SGCD: variants seen among roughly 807,000 people sequenced by gnomAD.
The protein encoded by SGCD is sarcoglycan delta.
A neutral mutation model predicts 36.6 loss-of-function variants in SGCD; 18 were observed. The ratio of observed to expected loss-of-function variants is 0.49; its 90% CI spans 0.34 to 0.73. The LOEUF is 0.73. SGCD is among the 30% of genes least tolerant of loss of function. SGCD has a pLI of 0.01. For missense variants in SGCD, 387 were observed against 346.7 expected (o/e 1.12, Z -0.92); for synonymous variants, 133 against 130.6 (o/e 1.02, Z -0.12).
intron 4 of SGCD, among the ~76,000 whole-genome samples, chr5:156,583,673 T>TG (rs1165748575): frequency 6.6e-6 from 1 of 152,130 alleles, no homozygotes; most frequent in African/African-American, 2.4e-5. Context: ...GAAGGCAAAA[T>TG]GGGTAGATAG....
Position 156,580,719 on chromosome 5 carries a change from A to G in SGCD, c.295-8512A>G, listed in dbSNP as rs780714631. Among the ~76,000 whole-genome samples the G allele has an allele frequency of 5.3e-5, 8 of 152,166 alleles. No homozygotes were observed. In the East Asian group the frequency reaches 1.5e-3, roughly 29 times the overall value. On this transcript the variant is annotated intron_variant, in intron 4 of 8. Transcript: ENST00000337851. ...CTATTGAAGCTTGTGCATGCATCAC[A>G]TAGTTCTAGTGCCATGGTTTTCAGC...
In SGCD at chr5:156,351,755, A is replaced by G. The variant is rs1769269682; in HGVS notation, c.192+7078A>G. Among the ~76,000 whole-genome samples the G allele has an allele frequency of 2.6e-5, 4 of 152,198 alleles. No individual in the cohort carries two copies. In the South Asian group the frequency reaches 8.3e-4, roughly 31 times the overall value. On this transcript the variant is annotated intron_variant, in intron 3 of 8. Coordinates refer to ENST00000337851, the MANE Select transcript of SGCD (RefSeq NM_000337.6). The stretch of plus-strand genomic sequence containing the variant: ...CTGCCACTATTTGGATACCAATTTT[A>G]CAAGGGAGGGAGTGGCTCAATAACT...
At chr5:156,394,661 G>C (rs755823728) in intron 3 of SGCD, among the ~76,000 whole-genome samples, 15 of 152,134 alleles carry the variant, frequency 9.9e-5, no homozygotes, top group African/African-American at 2.4e-5. Context: ...GTGATATAAA[G>C]TATTTTCTTT....
intron 1 of SGCD, among the ~76,000 whole-genome samples, chr5:155,922,781 G>A (rs187184821): frequency 1.1e-4 from 16 of 152,240 alleles, no homozygotes; most frequent in Admixed American, 9.2e-4. Flanking sequence ...AAACCAAGCT[G>A]TATTTTTAGC....
At chr5:155,742,442 C>A in the SGCD span, among the ~76,000 whole-genome samples, 1 of 152,084 alleles carries the variant, frequency 6.6e-6, no homozygotes, top group East Asian at 1.9e-4. Flanking sequence ...TAAATACTTA[C>A]CCAGGGCAGA....
At chr5:156,007,987 T>C (rs995958831) in intron 1 of SGCD, among the ~76,000 whole-genome samples, 4 of 152,158 alleles carry the variant, frequency 2.6e-5, no homozygotes, top group South Asian at 4.1e-4. Context: ...GTAAGTCAGG[T>C]TTTTATCTCC....
chr5:156,059,940 A>C (rs1349001928), intron 1 of SGCD, among the ~76,000 whole-genome samples: 3 of 146,572 alleles, frequency 2.0e-5, no homozygotes, highest in Non-Finnish European at 3.1e-5. Context: ...GTTCTCACAA[A>C]AGTGCTGAGG....
At chr5:156,692,823 T>C (rs1400309103) in intron 7 of SGCD, among the ~76,000 whole-genome samples, 1 of 152,242 alleles carries the variant, frequency 6.6e-6, no homozygotes, top group Non-Finnish European at 1.5e-5. Flanking sequence ...ATCAACTGCA[T>C]TGTAACCTAA....
At chr5:156,743,031 T>C (rs1756764570) in intron 7 of SGCD, among the ~76,000 whole-genome samples, 1 of 151,892 alleles carries the variant, frequency 6.6e-6, no homozygotes, top group African/African-American at 2.4e-5. Flanking sequence ...ATCACAGGAA[T>C]ATTTTTTGCC....
At chr5:156,580,653 T>TTCAA (rs1760214994) in intron 4 of SGCD, among the ~76,000 whole-genome samples, 1 of 152,226 alleles carries the variant, frequency 6.6e-6, no homozygotes, top group African/African-American at 2.4e-5. Context: ...TAATTTGATC[T>TTCAA]TCAATCACTG....
At chr5:156,293,645 T>A (rs1377860157) in intron 3 of SGCD, among the ~76,000 whole-genome samples, 1 of 152,152 alleles carries the variant, frequency 6.6e-6, no homozygotes, top group Non-Finnish European at 1.5e-5. Context: ...CAAGGTTTTT[T>A]TATTCTATTT....
intron 3 of SGCD, among the ~76,000 whole-genome samples, chr5:156,422,571 C>A (rs1368089846): frequency 6.6e-6 from 1 of 152,008 alleles, no homozygotes; most frequent in Non-Finnish European, 1.5e-5. Context: ...AGCAAGATAA[C>A]CTACTATGTT....
intron 7 of SGCD, among the ~76,000 whole-genome samples, chr5:156,740,869 C>T (rs1027312541): frequency 3.3e-5 from 5 of 152,202 alleles, no homozygotes; most frequent in African/African-American, 1.2e-4. Flanking sequence ...AATCTGAGAA[C>T]TCCCCAAGTG....
At chr5:156,132,907 G>A (rs901320696) in intron 3 of SGCD, among the ~76,000 whole-genome samples, 5 of 152,156 alleles carry the variant, frequency 3.3e-5, no homozygotes, top group African/African-American at 4.8e-5. Flanking sequence ...TCAGCAGAAG[G>A]GAATCATGAT....
At chr5:156,021,889 T>G (rs778870476) in intron 1 of SGCD, among the ~76,000 whole-genome samples, 1 of 152,206 alleles carries the variant, frequency 6.6e-6, no homozygotes, top group South Asian at 2.1e-4. Context: ...CAGATGTAAT[T>G]CACATGCTAT....
At chr5:156,716,117 T>A (rs1755211729) in intron 7 of SGCD, among the ~76,000 whole-genome samples, 1 of 152,188 alleles carries the variant, frequency 6.6e-6, no homozygotes, top group Non-Finnish European at 1.5e-5. Context: ...TTCAGCCTGA[T>A]CAGCCTCTGA....
the SGCD span, among the ~76,000 whole-genome samples, chr5:155,765,022 T>C: frequency 1.1e-4 from 16 of 152,150 alleles, no homozygotes. Context: ...AAGATGCGTG[T>C]AATCTCAGTG....
chr5:156,320,610 T>C (rs1262747446), intron 3 of SGCD, among the ~76,000 whole-genome samples: 1 of 152,262 alleles, frequency 6.6e-6, no homozygotes, highest in Non-Finnish European at 1.5e-5. Flanking sequence ...TACATTTCAT[T>C]ACTAATCACA....
chr5:156,357,552 C>A (rs770837668), intron 3 of SGCD, among the ~76,000 whole-genome samples: 3 of 152,062 alleles, frequency 2.0e-5, no homozygotes, highest in Admixed American at 6.5e-5. Context: ...TCGACTCAAG[C>A]GGTTTTATTC....
Sources: gnomAD v4.1 joint callset for allele counts (sites outside exome capture counted in the v4.1 genomes callset) on GRCh38, gnomAD v4.1.1 for gene constraint, MANE v1.5 for transcripts, NCBI Gene and HGNC (gene_info 2026-07-23, HGNC 2026-07-21) for gene names.